Variants in EML5 observed in about 807,000 individuals in gnomAD.
EML5 encodes the protein echinoderm microtubule-associated protein-like 5.
Under a neutral mutation model 250.0 loss-of-function variants are expected in EML5, and 120 were observed. The observed-to-expected ratio is 0.48, with a 90% CI of 0.41 to 0.56. The LOEUF (loss-of-function observed/expected upper bound fraction) is 0.56. EML5 is among the 20% of genes least tolerant of loss of function. The pLI is 0.00. For synonymous variants in EML5, 771 were observed against 806.5 expected, an observed-to-expected ratio of 0.96 and a Z score of 0.75; for missense variants, 2,006 against 2,437.6, an observed-to-expected ratio of 0.82 and a Z score of 3.73.
intron 14 of EML5, 128 bp downstream of exon 14, chr14:88,702,318 A>G (rs1396101962): frequency 3.0e-6 from 2 of 676,364 alleles, no homozygotes; most frequent in Non-Finnish European, 4.3e-6. Context: ...ATAATCTGAA[A>G]ATAAAACTCA....
In EML5 at chr14:88,704,662, A is replaced by T. The variant is rs190589693; in HGVS notation, c.2051+198T>A. On this transcript the variant is annotated intron_variant, in intron 13 of 43. Coordinates refer to ENST00000554922, the MANE Select transcript of EML5 (RefSeq NM_183387.3). ...ATCATCTTAAAAATCCAGATATTTT[A>T]AAAAATATCTTTCAATTTGGTTTTG... is the stretch of plus-strand genomic sequence containing the variant. 3.5e-3 allele frequency among the ~76,000 whole-genome samples: 527 copies of T among 152,304 alleles called. 4 individuals carry two copies. The highest frequency in any genetic ancestry group is 0.016 in the East Asian group (81 of 5,184).
Position 88,685,161 on chromosome 14 carries a change from A to T in EML5, c.2855-19T>A, listed in dbSNP as rs2092803064. 1 of 1,588,692 alleles carries T rather than the reference A, an allele frequency of 6.3e-7. No homozygotes were observed. Among genetic ancestry groups the T allele is most frequent in the East Asian group, 2.3e-5 (1 of 44,054 alleles). ...AGAAGACCTGAAATGTTAAATGAAG[A>T]TGTTCTTTTAGACATACAGTTACTA... On this transcript the variant is annotated intron_variant, in intron 19 of 43. Coordinates refer to ENST00000554922, the MANE Select transcript of EML5 (RefSeq NM_183387.3).
intron 1 of EML5, among the ~76,000 whole-genome samples, chr14:88,789,069 T>C (rs2094580067): frequency 7.3e-6 from 1 of 137,600 alleles, no homozygotes; most frequent in Non-Finnish European, 1.6e-5. Flanking sequence ...TGTCTCAGTT[T>C]AAAAAAAAAA....
chr14:88,760,798 C>A (rs998718436), intron 1 of EML5, among the ~76,000 whole-genome samples: 4 of 152,014 alleles, frequency 2.6e-5, no homozygotes, highest in Non-Finnish European at 4.4e-5. Flanking sequence ...CATAGTACGC[C>A]CGCCCTCCAT....
At chr14:88,709,299 A>T (rs2093367211) in intron 10 of EML5, among the ~76,000 whole-genome samples, 1 of 152,138 alleles carries the variant, frequency 6.6e-6, no homozygotes, top group Non-Finnish European at 1.5e-5. Context: ...ACACATCATT[A>T]AGAAAATAAA....
At chr14:88,754,961 C>T (rs1269273124) in intron 1 of EML5, among the ~76,000 whole-genome samples, 2 of 152,116 alleles carry the variant, frequency 1.3e-5, no homozygotes, top group Non-Finnish European at 2.9e-5. Context: ...CCCGCCACCA[C>T]GCCCAGCTAA....
At position 88,618,351 on chromosome 14, in the gene EML5, T is replaced by C; in HGVS notation, c.5539-20A>G. ...AGAGACCTTTTTCATCAGATTAAAA[T>C]GGGACAAGAATTCCATTAGGTGAGA... On this transcript the variant is annotated intron_variant, in intron 40 of 43. Transcript: ENST00000554922. The C allele has an allele frequency of 6.2e-7, 1 of 1,605,612 alleles. No homozygotes were observed.
intron 7 of EML5, among the ~76,000 whole-genome samples, chr14:88,732,233 A>C (rs2093770985): frequency 6.6e-6 from 1 of 152,112 alleles, no homozygotes; most frequent in Non-Finnish European, 1.5e-5. Context: ...ATCTTGAATT[A>C]ATTTTTGTAT....
intron 6 of EML5, 116 bp from the exon 7 acceptor site, chr14:88,736,681 T>G (rs1277973031): frequency 3.2e-6 from 3 of 939,116 alleles, no homozygotes; most frequent in African/African-American, 1.7e-5. Context: ...CCTTCAAACC[T>G]AAGACAGTTT....
intron 17 of EML5, among the ~76,000 whole-genome samples, chr14:88,689,859 T>TGA (rs540391121): frequency 1.2e-4 from 19 of 152,162 alleles, no homozygotes; most frequent in Non-Finnish European, 1.3e-4. Context: ...AGCTTCATGG[T>TGA]GAGAGACAGT....
intron 21 of EML5, among the ~76,000 whole-genome samples, chr14:88,666,504 G>A (rs2092310248): frequency 6.6e-6 from 1 of 152,098 alleles, no homozygotes; most frequent in African/African-American, 2.4e-5. Context: ...GGGATTACAG[G>A]CATGAGCCAC....
intron 30 of EML5, among the ~76,000 whole-genome samples, chr14:88,643,976 A>T (rs111790758): frequency 4.6e-5 from 7 of 152,314 alleles, no homozygotes; most frequent in African/African-American, 1.7e-4. Context: ...TTCCTCAATT[A>T]TTACGTAAGG....
At position 88,741,826 on chromosome 14, in the gene EML5, A is replaced by T. The variant is rs544723351; in HGVS notation, c.526-1254T>A. Reference sequence around the variant, plus strand: ...AATTCAACTTTGTAATAAGTAATTAACATTTAAAATAATTTATTATCATAT... The same window carrying T: ...AATTCAACTTTGTAATAAGTAATTATCATTTAAAATAATTTATTATCATAT... On this transcript the variant is annotated intron_variant, in intron 4 of 43. Transcript: ENST00000554922. Among the ~76,000 whole-genome samples the T allele has an allele frequency of 7.0e-4, 107 of 152,336 alleles. No homozygotes were observed. The Middle Eastern group carries it at 0.014, about 19-fold the overall frequency.
chr14:88,706,522 A>C, intron 10 of EML5, 96 bp from the exon 11 acceptor site: 1 of 917,364 alleles, frequency 1.1e-6, no homozygotes, highest in Non-Finnish European at 1.5e-6. Flanking sequence ...TCATCCTTCT[A>C]TCTGAATTAT....
intron 10 of EML5, among the ~76,000 whole-genome samples, chr14:88,708,184 T>C (rs530397026): frequency 2.2e-3 from 341 of 152,276 alleles, no homozygotes; most frequent in Non-Finnish European, 4.1e-3. Context: ...TGGGACTGTA[T>C]TAATTTTTTA....
At chr14:88,653,725 G>A (rs564789970) in intron 27 of EML5, among the ~76,000 whole-genome samples, 3 of 152,166 alleles carry the variant, frequency 2.0e-5, no homozygotes, top group Non-Finnish European at 2.9e-5. Context: ...CTTTCACATC[G>A]ATGTTTACCA....
intron 26 of EML5, 52 bp from the exon 27 acceptor site, chr14:88,657,554 T>C: frequency 6.7e-7 from 1 of 1,494,034 alleles, no homozygotes; most frequent in South Asian, 1.4e-5. Context: ...AGATCAATTA[T>C]GATCTTATAA....
chr14:88,757,203 G>T (rs2094172817), intron 1 of EML5, among the ~76,000 whole-genome samples: 1 of 152,138 alleles, frequency 6.6e-6, no homozygotes, highest in Non-Finnish European at 1.5e-5. Context: ...CAAGGGTGGT[G>T]CCAAGACAAT....
chr14:88,785,604 G>T (rs2094543552), intron 1 of EML5, among the ~76,000 whole-genome samples: 1 of 152,122 alleles, frequency 6.6e-6, no homozygotes, highest in Admixed American at 6.5e-5. Flanking sequence ...CAATTGTTCT[G>T]ACCAAAAATT....
Sources: allele counts gnomAD v4.1 joint callset (sites outside exome capture counted in the v4.1 genomes callset), GRCh38; gene constraint gnomAD v4.1.1; transcripts MANE v1.5; gene names NCBI Gene and HGNC (gene_info 2026-07-23, HGNC 2026-07-21).